The following TBC1D22A variants were observed in gnomAD, a reference collection of about 807,000 sequenced individuals.
TBC1D22A encodes putative GTPase activator.
TBC1D22A carries 38 observed loss-of-function variants against 60.2 expected under a neutral mutation model. That is an observed-to-expected ratio of 0.63 (90% confidence interval 0.49 to 0.83). The LOEUF (loss-of-function observed/expected upper bound fraction) is 0.83, where lower values mean the gene tolerates loss of function less well. Among genes scored for constraint, TBC1D22A ranks in the 40% least tolerant of loss-of-function variants. TBC1D22A has a pLI of 0.00. For synonymous variants in TBC1D22A, 302 were observed against 281.7 expected (o/e 1.07, Z -0.72); for missense variants, 628 against 701.0 (o/e 0.90, Z 1.18).
chr22:46,799,021 T>G (rs1160895345), intron 4 of TBC1D22A, among the ~76,000 whole-genome samples: 1 of 140,826 alleles, frequency 7.1e-6, no homozygotes, highest in East Asian at 2.1e-4. Context: ...AGTGGGTGGT[T>G]GTTTCTTCCT....
At chr22:47,140,706 A>G (rs2067051523) in intron 12 of TBC1D22A, among the ~76,000 whole-genome samples, 1 of 152,218 alleles carries the variant, frequency 6.6e-6, no homozygotes, top group African/African-American at 2.4e-5. Flanking sequence ...CTCCTTCTGC[A>G]GGCCCTGAAA....
At chr22:46,793,902 A>AACACAC (rs971475508) in intron 3 of TBC1D22A, 61 bp downstream of exon 3, 3 of 1,428,040 alleles carry the variant, frequency 2.1e-6, no homozygotes, top group Non-Finnish European at 2.8e-6. Context: ...AAGTGGCCAG[A>AACACAC]ACACACTCAC....
chr22:46,998,428 A>G (rs754715019), intron 10 of TBC1D22A, among the ~76,000 whole-genome samples: 1 of 152,168 alleles, frequency 6.6e-6, no homozygotes, highest in Non-Finnish European at 1.5e-5. Flanking sequence ...TGAGGTGTGG[A>G]AAAGAGACAT....
chr22:46,875,931 T>C (rs984369883), intron 4 of TBC1D22A, among the ~76,000 whole-genome samples: 5 of 152,024 alleles, frequency 3.3e-5, no homozygotes, highest in African/African-American at 1.2e-4. Context: ...ACATTACTTC[T>C]AGGAGACAAG....
intron 1 of TBC1D22A, chr22:46,788,856 T>C (rs1479571944): frequency 6.6e-6 from 1 of 152,232 alleles, no homozygotes. Context: ...CCAGACTCTT[T>C]TGAATTCCTT....
At position 47,031,331 on chromosome 22, in the gene TBC1D22A, C is replaced by T. The variant is rs147706061; in HGVS notation, c.1202-5740C>T. Among the ~76,000 whole-genome samples, 1,462 of 152,316 alleles carry T rather than the reference C, an allele frequency of 9.6e-3. 23 individuals are homozygous for T. Among genetic ancestry groups the T allele is most frequent in the African/African-American group, 0.034 (1,393 of 41,570 alleles). ...TTCCTACAGGCTGCTGAGCCCCCGG[C>T]GGGCAGAAACAGGCCTTGTCTTCCT... is the stretch of plus-strand genomic sequence containing the variant. On this transcript the variant is annotated intron_variant, in intron 10 of 12. Coordinates refer to ENST00000337137, the MANE Select transcript of TBC1D22A (RefSeq NM_014346.5).
intron 8 of TBC1D22A, among the ~76,000 whole-genome samples, chr22:46,939,747 A>T (rs2147932821): frequency 6.6e-6 from 1 of 152,376 alleles, no homozygotes; most frequent in South Asian, 2.1e-4. Flanking sequence ...GGGAGAAATG[A>T]CTAGAAGTAA....
intron 11 of TBC1D22A, among the ~76,000 whole-genome samples, chr22:47,069,868 C>T (rs1317137590): frequency 6.7e-6 from 1 of 150,046 alleles, no homozygotes; most frequent in Non-Finnish European, 1.5e-5. Flanking sequence ...CCAGGCTGTT[C>T]CCTGTTGTTT....
At chr22:47,078,703 A>G (rs765569886) in intron 11 of TBC1D22A, among the ~76,000 whole-genome samples, 3 of 152,246 alleles carry the variant, frequency 2.0e-5, no homozygotes, top group African/African-American at 4.8e-5. Context: ...CTGATCATCC[A>G]GTGTCTGCTG....
At chr22:46,917,690 A>C (rs772677380) in intron 8 of TBC1D22A, among the ~76,000 whole-genome samples, 7 of 152,040 alleles carry the variant, frequency 4.6e-5, no homozygotes, top group Non-Finnish European at 8.8e-5. Flanking sequence ...TAGTCTGGAA[A>C]TTGTCGGCCT....
chr22:46,766,158 T>G (rs801635), intron 1 of TBC1D22A, among the ~76,000 whole-genome samples: 1 of 151,682 alleles, frequency 6.6e-6, no homozygotes, highest in South Asian at 2.1e-4. Flanking sequence ...CCACCACACC[T>G]GGCTAATTTT....
intron 10 of TBC1D22A, among the ~76,000 whole-genome samples, chr22:47,020,968 G>A (rs1029525780): frequency 3.3e-5 from 5 of 152,188 alleles, no homozygotes; most frequent in Non-Finnish European, 7.4e-5. Context: ...ACATGGCAGG[G>A]GCTTATAGGC....
At chr22:46,897,172 G>C (rs9627609) in intron 7 of TBC1D22A, among the ~76,000 whole-genome samples, 1 of 152,036 alleles carries the variant, frequency 6.6e-6, no homozygotes, top group East Asian at 1.9e-4. Flanking sequence ...GAATGAAGCA[G>C]CAAAAGCAGA....
chr22:47,160,878 G>A (rs2067952686), intron 12 of TBC1D22A, among the ~76,000 whole-genome samples: 1 of 152,150 alleles, frequency 6.6e-6, no homozygotes, highest in Admixed American at 6.5e-5. Flanking sequence ...GGACCCGCAG[G>A]CGCTGTGGAG....
chr22:47,108,889 G>A (rs949954987), intron 11 of TBC1D22A, among the ~76,000 whole-genome samples: 2 of 152,156 alleles, frequency 1.3e-5, no homozygotes, highest in African/African-American at 4.8e-5. Flanking sequence ...TAGAGTCGGG[G>A]TTTCACCGTG....
At chr22:46,842,389 A>G (rs2086808889) in intron 4 of TBC1D22A, among the ~76,000 whole-genome samples, 1 of 152,214 alleles carries the variant, frequency 6.6e-6, no homozygotes, top group Non-Finnish European at 1.5e-5. Flanking sequence ...AAGCTGAAAG[A>G]CTTGTCATGG....
At chr22:47,041,429 T>C (rs2062840305) in intron 11 of TBC1D22A, among the ~76,000 whole-genome samples, 1 of 152,204 alleles carries the variant, frequency 6.6e-6, no homozygotes, top group Non-Finnish European at 1.5e-5. Context: ...GGGCGCGTCC[T>C]CCCACTTCAC....
chr22:46,861,531 T>A (rs1240492738), intron 4 of TBC1D22A, among the ~76,000 whole-genome samples: 1 of 152,192 alleles, frequency 6.6e-6, no homozygotes, highest in East Asian at 1.9e-4. Flanking sequence ...GTAGATGGCC[T>A]GGCTTCTCTT....
intron 9 of TBC1D22A, among the ~76,000 whole-genome samples, chr22:46,984,129 G>T (rs1370339393): frequency 6.6e-6 from 1 of 151,902 alleles, no homozygotes; most frequent in African/African-American, 2.4e-5. Context: ...CACTTTGGGA[G>T]GCCGAAGTGG....
Sources: gnomAD v4.1 joint callset for allele counts (sites outside exome capture counted in the v4.1 genomes callset) on GRCh38, gnomAD v4.1.1 for gene constraint, MANE v1.5 for transcripts, NCBI Gene and HGNC (gene_info 2026-07-23, HGNC 2026-07-21) for gene names.